CSMD3: variants seen among roughly 807,000 people sequenced by gnomAD.
CSMD3 encodes CUB and sushi domain-containing protein 3.
CSMD3 carries 177 observed loss-of-function variants against 435.2 expected under a neutral mutation model. That is an observed-to-expected ratio of 0.41 (90% confidence interval 0.36 to 0.46). The LOEUF is 0.46. Among genes scored for constraint, CSMD3 ranks in the 20% least tolerant of loss-of-function variants. CSMD3 has a pLI of 0.34. For missense variants in CSMD3, 4,265 were observed against 4,504.6 expected (o/e 0.95, Z 1.52); for synonymous variants, 1,656 against 1,520.5 (o/e 1.09, Z -2.07).
intron 53 of CSMD3, among the ~76,000 whole-genome samples, chr8:112,300,769 GAGAAAAA>G (rs1405293349): frequency 6.6e-6 from 1 of 151,952 alleles, no homozygotes; most frequent in Non-Finnish European, 1.5e-5. Flanking sequence ...GCCTGAGAAG[GAGAAAAA>G]AGACATTTTA....
intron 20 of CSMD3, among the ~76,000 whole-genome samples, chr8:112,642,100 A>G (rs1293723003): frequency 2.0e-5 from 3 of 152,068 alleles, no homozygotes; most frequent in Admixed American, 2.0e-4. Flanking sequence ...ATATATCTGT[A>G]TGACTTGTAC....
At chr8:112,476,104 G>GAT (rs1261440394) in intron 31 of CSMD3, among the ~76,000 whole-genome samples, 1 of 152,076 alleles carries the variant, frequency 6.6e-6, no homozygotes, top group Non-Finnish European at 1.5e-5. Context: ...GGAGTGCAAT[G>GAT]ATATCATCTT....
chr8:112,544,010 C>T (rs967464990), intron 27 of CSMD3, among the ~76,000 whole-genome samples: 1 of 152,070 alleles, frequency 6.6e-6, no homozygotes, highest in African/African-American at 2.4e-5. Context: ...TATGAGGTAT[C>T]TAAAATAGCC....
chr8:113,118,324 A>T (rs1013194055), intron 4 of CSMD3, among the ~76,000 whole-genome samples: 1 of 152,192 alleles, frequency 6.6e-6, no homozygotes, highest in Non-Finnish European at 1.5e-5. Context: ...CTGATTAAAT[A>T]TGTTTTTTGC....
intron 4 of CSMD3, among the ~76,000 whole-genome samples, chr8:113,113,518 T>C (rs982091640): frequency 1.3e-5 from 2 of 152,232 alleles, no homozygotes; most frequent in African/African-American, 4.8e-5. Flanking sequence ...TAGGTTTAGA[T>C]GTGATTTAAG....
chr8:112,551,229 T>C (rs926721721), intron 26 of CSMD3, among the ~76,000 whole-genome samples: 1 of 152,108 alleles, frequency 6.6e-6, no homozygotes, highest in Non-Finnish European at 1.5e-5. Context: ...ATTTGTTTAA[T>C]TGTTATAATG....
chr8:113,282,788 G>C (rs1166903805), intron 2 of CSMD3, among the ~76,000 whole-genome samples: 1 of 152,010 alleles, frequency 6.6e-6, no homozygotes, highest in African/African-American at 2.4e-5. Flanking sequence ...GCAAGACTAA[G>C]CAAAAGGAAC....
chr8:112,777,161 C>T (rs1052295197), intron 13 of CSMD3, among the ~76,000 whole-genome samples: 3 of 151,696 alleles, frequency 2.0e-5, no homozygotes, highest in African/African-American at 7.2e-5. Context: ...TTTACAAATA[C>T]GTGTTATTGA....
chr8:113,311,488 T>C (rs577357584), intron 2 of CSMD3: 2 of 151,720 alleles, frequency 1.3e-5, no homozygotes, highest in Non-Finnish European at 2.9e-5. Flanking sequence ...TTGGAGCTCA[T>C]GAAAAGTAAA....
At chr8:113,087,434 A>C (rs1234011860) in intron 5 of CSMD3, among the ~76,000 whole-genome samples, 6 of 152,220 alleles carry the variant, frequency 3.9e-5, no homozygotes, top group Non-Finnish European at 5.9e-5. Context: ...AGCTGGAGGC[A>C]TCATGCTACC....
chr8:113,319,582 T>C (rs535854472), intron 1 of CSMD3, among the ~76,000 whole-genome samples: 3 of 152,090 alleles, frequency 2.0e-5, no homozygotes, highest in Non-Finnish European at 4.4e-5. Flanking sequence ...GTTTATTTAC[T>C]TTTGTTTTTG....
At chr8:112,594,237 G>A (rs1193772612) in intron 22 of CSMD3, among the ~76,000 whole-genome samples, 10 of 152,150 alleles carry the variant, frequency 6.6e-5, no homozygotes, top group South Asian at 2.1e-4. Flanking sequence ...TTCCCTTTCC[G>A]AGTCAAAGAA....
intron 21 of CSMD3, among the ~76,000 whole-genome samples, chr8:112,638,122 G>A (rs1422881439): frequency 6.7e-6 from 1 of 150,244 alleles, no homozygotes; most frequent in Non-Finnish European, 1.5e-5. Flanking sequence ...TAGAAGAAAG[G>A]AGTAACTATG....
intron 2 of CSMD3, among the ~76,000 whole-genome samples, chr8:113,286,721 CTA>C (rs914864818): frequency 2.6e-5 from 4 of 151,612 alleles, no homozygotes; most frequent in Non-Finnish European, 4.4e-5. Flanking sequence ...AAAAAAGACT[CTA>C]TTTATTTAAA....
At chr8:113,299,885 C>T (rs1229899442) in intron 2 of CSMD3, among the ~76,000 whole-genome samples, 1 of 151,700 alleles carries the variant, frequency 6.6e-6, no homozygotes, top group East Asian at 1.9e-4. Flanking sequence ...CCCAGCTATT[C>T]GGGAGGCTGA....
chr8:112,663,211 C>T (rs2075430481), intron 17 of CSMD3, among the ~76,000 whole-genome samples: 1 of 152,020 alleles, frequency 6.6e-6, no homozygotes, highest in African/African-American at 2.4e-5. Context: ...GCACTATTCA[C>T]AATACCAAAG....
intron 9 of CSMD3, among the ~76,000 whole-genome samples, chr8:112,937,465 C>T (rs1429596091): frequency 6.6e-6 from 1 of 151,800 alleles, no homozygotes; most frequent in Non-Finnish European, 1.5e-5. Flanking sequence ...ATTATCCTGC[C>T]TCAGCCTCCC....
At chr8:113,410,493 C>T (rs976161242) in intron 1 of CSMD3, among the ~76,000 whole-genome samples, 1 of 152,088 alleles carries the variant, frequency 6.6e-6, no homozygotes, top group African/African-American at 2.4e-5. Flanking sequence ...TGCTTGTCTT[C>T]TATACAGTGA....
Position 112,850,242 on chromosome 8 carries a change from A to G in CSMD3, c.1755+8903T>C, listed in dbSNP as rs1002622371. 3.9e-5 allele frequency among the ~76,000 whole-genome samples: 6 copies of G among 152,288 alleles called. No homozygotes were observed. In the East Asian group the frequency reaches 9.6e-4, roughly 24 times the overall value. On this transcript the variant is annotated intron_variant, in intron 11 of 70. Transcript: ENST00000297405. Reference sequence around the variant, plus strand: ...GAAATGGAGTGACTAAACTTGGGTCACATGACATGAGGAGTGTATTAGTAA... The same window carrying G: ...GAAATGGAGTGACTAAACTTGGGTCGCATGACATGAGGAGTGTATTAGTAA...
Sources: gnomAD v4.1 joint callset for allele counts (sites outside exome capture counted in the v4.1 genomes callset) on GRCh38, gnomAD v4.1.1 for gene constraint, MANE v1.5 for transcripts, NCBI Gene and HGNC (gene_info 2026-07-23, HGNC 2026-07-21) for gene names.